Variants in PRDM16 observed in about 807,000 individuals in gnomAD.
The protein encoded by PRDM16 is histone-lysine N-methyltransferase PRDM16.
In PRDM16, 23 loss-of-function variants were observed where a neutral mutation model predicts 110.6. The ratio of observed to expected loss-of-function variants is 0.21; its 90% CI spans 0.15 to 0.29. The LOEUF is 0.29. PRDM16 is among the 10% of genes least tolerant of loss of function. The pLI is 1.00. For missense variants in PRDM16, 1,615 were observed against 1,794.3 expected, an observed-to-expected ratio of 0.90 and a Z score of 1.81; for synonymous variants, 799 against 781.8, an observed-to-expected ratio of 1.02 and a Z score of -0.37.
At chr1:3,295,545 G>A (rs935993183) in intron 3 of PRDM16, among the ~76,000 whole-genome samples, 4 of 152,092 alleles carry the variant, frequency 2.6e-5, no homozygotes, top group Admixed American at 6.5e-5. Flanking sequence ...GCACATGTGC[G>A]GGGTGAACAA....
intron 3 of PRDM16, among the ~76,000 whole-genome samples, chr1:3,288,016 G>A (rs1311515679): frequency 2.0e-5 from 3 of 152,220 alleles, no homozygotes; most frequent in African/African-American, 4.8e-5. Context: ...AGGGGTGGGC[G>A]GAGGCCCTGA....
chr1:3,276,373 C>T (rs935513788), intron 3 of PRDM16, among the ~76,000 whole-genome samples: 1 of 151,882 alleles, frequency 6.6e-6, no homozygotes, highest in Non-Finnish European at 1.5e-5. Flanking sequence ...TGGGTCCATC[C>T]CAGGATGGAA....
chr1:3,217,713 G>C (rs1043007456), intron 2 of PRDM16, among the ~76,000 whole-genome samples: 5 of 152,202 alleles, frequency 3.3e-5, no homozygotes, highest in African/African-American at 1.2e-4. Flanking sequence ...CGTGCATCCC[G>C]GTAGATCTTT....
At chr1:3,285,220 G>T (rs1047279308) in intron 3 of PRDM16, among the ~76,000 whole-genome samples, 3 of 152,122 alleles carry the variant, frequency 2.0e-5, no homozygotes, top group African/African-American at 7.2e-5. Context: ...GCAAAGTCTG[G>T]CCTGGGGCAC....
At chr1:3,393,158 G>A (rs1249912829) in intron 4 of PRDM16, among the ~76,000 whole-genome samples, 1 of 152,212 alleles carries the variant, frequency 6.6e-6, no homozygotes, top group Admixed American at 6.5e-5. Context: ...TTAAACCAAA[G>A]GGAAAATTCC....
chr1:3,188,005 T>TGGCCAG (rs749490662), intron 2 of PRDM16, among the ~76,000 whole-genome samples: 7 of 152,040 alleles, frequency 4.6e-5, no homozygotes, highest in Non-Finnish European at 1.0e-4. Flanking sequence ...CGGGAGAGAC[T>TGGCCAG]GGCCAGGGCC....
chr1:3,071,671 G>GCTA (rs1641764994), intron 1 of PRDM16, among the ~76,000 whole-genome samples: 2 of 152,338 alleles, frequency 1.3e-5, no homozygotes, highest in South Asian at 4.1e-4. Flanking sequence ...CGAGTCAGAG[G>GCTA]CGGTAGGGCC....
chr1:3,180,996 G>GC (rs879861862), intron 1 of PRDM16, among the ~76,000 whole-genome samples: 5,463 of 139,240 alleles, frequency 0.039, 352 homozygotes, highest in Non-Finnish European at 0.061. Context: ...TCTTACACAC[G>GC]ATCTTACACG....
At chr1:3,096,484 T>C (rs1242227172) in intron 1 of PRDM16, among the ~76,000 whole-genome samples, 1 of 152,136 alleles carries the variant, frequency 6.6e-6, no homozygotes, top group Non-Finnish European at 1.5e-5. Context: ...AGGGTCTGTG[T>C]TTCGAATCCA....
Position 3,311,279 on chromosome 1 carries a change from G to A in PRDM16, c.438+67142G>A, listed in dbSNP as rs575622853. ...TTTGTTGTTGTTCCCGGTGGGCCTC[G>A]GCTCACTCTTTTGCCTTCTTTCACT... On this transcript the variant is annotated intron_variant, in intron 3 of 16. Transcript: ENST00000270722. 3.9e-5 allele frequency among the ~76,000 whole-genome samples: 6 copies of A among 152,358 alleles called. No individual in the cohort carries two copies. In the East Asian group the frequency reaches 5.8e-4, roughly 15 times the overall value.
intron 3 of PRDM16, among the ~76,000 whole-genome samples, chr1:3,369,832 T>C (rs1349301873): frequency 6.6e-6 from 1 of 152,264 alleles, no homozygotes; most frequent in Non-Finnish European, 1.5e-5. Context: ...CCTTTGCCAA[T>C]GACCATTTTT....
chr1:3,181,766 A>ACG (rs1553141279), intron 1 of PRDM16, among the ~76,000 whole-genome samples: 2 of 135,952 alleles, frequency 1.5e-5, no homozygotes, highest in Non-Finnish European at 3.2e-5. Context: ...GGTCTTACAC[A>ACG]CAGTCTTACA....
intron 3 of PRDM16, among the ~76,000 whole-genome samples, chr1:3,380,277 G>T (rs1025837966): frequency 6.6e-6 from 1 of 151,894 alleles, no homozygotes; most frequent in African/African-American, 2.4e-5. Context: ...CCCCTCTGTG[G>T]AAGGAAGGAG....
intron 3 of PRDM16, among the ~76,000 whole-genome samples, chr1:3,377,862 G>A (rs1643021951): frequency 6.6e-6 from 1 of 152,224 alleles, no homozygotes; most frequent in African/African-American, 2.4e-5. Flanking sequence ...TTGGTCACTT[G>A]CATGCATCTG....
At chr1:3,293,637 AATAGT>A (rs1285684638) in intron 3 of PRDM16, among the ~76,000 whole-genome samples, 1 of 152,248 alleles carries the variant, frequency 6.6e-6, no homozygotes, top group Non-Finnish European at 1.5e-5. Context: ...CTCCGCTCTG[AATAGT>A]ATTTGTTCTG....
chr1:3,319,246 C>A (rs1001058704), intron 3 of PRDM16, among the ~76,000 whole-genome samples: 4 of 152,152 alleles, frequency 2.6e-5, no homozygotes, highest in African/African-American at 9.7e-5. Context: ...TGTGAGGGAT[C>A]ATTGGGTCTA....
At chr1:3,297,749 A>C (rs567410224) in intron 3 of PRDM16, among the ~76,000 whole-genome samples, 2 of 152,216 alleles carry the variant, frequency 1.3e-5, no homozygotes, top group East Asian at 3.9e-4. Flanking sequence ...GGCAGGAAAC[A>C]GGGGACAGGG....
At chr1:3,156,034 G>A (rs1006293466) in intron 1 of PRDM16, among the ~76,000 whole-genome samples, 9 of 152,204 alleles carry the variant, frequency 5.9e-5, no homozygotes, top group Admixed American at 5.9e-4. Context: ...AATGAAGAGA[G>A]AAAACAGCTC....
chr1:3,122,956 GA>G (rs1312919632), intron 1 of PRDM16, among the ~76,000 whole-genome samples: 1 of 152,208 alleles, frequency 6.6e-6, no homozygotes, highest in Non-Finnish European at 1.5e-5. Flanking sequence ...AGGCCTGGGG[GA>G]CGGCTCAGGG....
Sources: allele counts gnomAD v4.1 joint callset (sites outside exome capture counted in the v4.1 genomes callset), GRCh38; gene constraint gnomAD v4.1.1; transcripts MANE v1.5; gene names NCBI Gene and HGNC (gene_info 2026-07-23, HGNC 2026-07-21).